Variants in ZNF277 observed in about 807,000 individuals in gnomAD.
ZNF277 encodes the protein zinc finger protein 277, also known as nuclear receptor-interacting factor 4.
A neutral mutation model predicts 60.7 loss-of-function variants in ZNF277; 55 were observed. That is an observed-to-expected ratio of 0.91 (90% CI 0.73 to 1.13). The LOEUF (loss-of-function observed/expected upper bound fraction) is 1.13. Among genes scored for constraint, ZNF277 ranks in the 50% most tolerant of loss-of-function variants. ZNF277 has a pLI of 0.00. For missense variants in ZNF277, 510 were observed against 523.0 expected, an observed-to-expected ratio of 0.98 and a Z score of 0.24; for synonymous variants, 178 against 179.3, an observed-to-expected ratio of 0.99 and a Z score of 0.06.
At chr7:112,332,594 C>G (rs973255501) in intron 7 of ZNF277, among the ~76,000 whole-genome samples, 7 of 152,180 alleles carry the variant, frequency 4.6e-5, no homozygotes. Flanking sequence ...GTAAAGCTGA[C>G]TTTAATCAGC....
intron 1 of ZNF277, among the ~76,000 whole-genome samples, chr7:112,213,866 A>G (rs1278167459): frequency 1.3e-5 from 2 of 152,196 alleles, no homozygotes; most frequent in African/African-American, 4.8e-5. Context: ...AAACCTCTGA[A>G]CTTCAGTTTC....
chr7:112,245,703 G>A (rs1436884964), intron 1 of ZNF277, among the ~76,000 whole-genome samples: 8 of 152,022 alleles, frequency 5.3e-5, no homozygotes, highest in African/African-American at 1.2e-4. Flanking sequence ...TTTACATGGT[G>A]TTCTCCTTTA....
Position 112,342,891 on chromosome 7 carries a change from G to A in ZNF277, c.*162G>A. 6.1e-6 allele frequency: 3 copies of A among 492,546 alleles called. No homozygotes were observed. The highest frequency in any genetic ancestry group is 9.8e-6 in the Non-Finnish European group (3 of 305,576). The allele number at this position is 492,546 out of a possible 1,614,324, so 30.5% of individuals were successfully genotyped here. A position where few individuals can be genotyped will look rare whatever the true frequency, so the allele number is the denominator to read the frequency against. On this transcript the variant is annotated 3_prime_UTR_variant, in exon 12 of 12. Coordinates refer to ENST00000361822, the MANE Select transcript of ZNF277 (RefSeq NM_021994.3). ...ATGAATGTTCTTTTCAAAAAATAAA[G>A]TAGAAAAATGCACTTACTAAGAACA...
At chr7:112,265,915 T>C (rs548105362) in intron 1 of ZNF277, among the ~76,000 whole-genome samples, 3 of 152,232 alleles carry the variant, frequency 2.0e-5, no homozygotes, top group African/African-American at 7.2e-5. Context: ...CTTTACATTT[T>C]GAATGAGAGG....
chr7:112,210,476 T>TG (rs1389284854), intron 1 of ZNF277, among the ~76,000 whole-genome samples: 21 of 149,594 alleles, frequency 1.4e-4, no homozygotes, highest in South Asian at 8.4e-4. Flanking sequence ...TTTTTTTTTT[T>TG]TGTTTTTTTT....
At chr7:112,310,478 AGT>A (rs1554493410) in intron 4 of ZNF277, among the ~76,000 whole-genome samples, 4 of 125,588 alleles carry the variant, frequency 3.2e-5, no homozygotes, top group Middle Eastern at 3.8e-3. Flanking sequence ...AGAGAGAGAG[AGT>A]GTGTGTGTGT....
chr7:112,217,476 C>T (rs750267168), intron 1 of ZNF277, among the ~76,000 whole-genome samples: 20 of 152,218 alleles, frequency 1.3e-4, no homozygotes, highest in Non-Finnish European at 2.4e-4. Flanking sequence ...CAGACTGAAA[C>T]TGCCTTTGCA....
chr7:112,314,722 C>T (rs891913093), intron 4 of ZNF277, among the ~76,000 whole-genome samples: 1 of 151,994 alleles, frequency 6.6e-6, no homozygotes, highest in Admixed American at 6.6e-5. Flanking sequence ...CTTGAGCCCA[C>T]GAAGTCGAGG....
At chr7:112,329,591 T>A (rs1793177120) in intron 6 of ZNF277, among the ~76,000 whole-genome samples, 1 of 152,244 alleles carries the variant, frequency 6.6e-6, no homozygotes, top group South Asian at 2.1e-4. Context: ...TTATCTTCAG[T>A]TTAGAAATCA....
intron 4 of ZNF277, 75 bp from the exon 5 acceptor site, chr7:112,318,107 C>A (rs898782909): frequency 2.4e-6 from 3 of 1,231,732 alleles, no homozygotes; most frequent in Non-Finnish European, 3.6e-6. Flanking sequence ...CAGTTTCCTC[C>A]CATCCAGACT....
chr7:112,285,565 G>A (rs1792046465), intron 1 of ZNF277, among the ~76,000 whole-genome samples: 1 of 151,414 alleles, frequency 6.6e-6, no homozygotes, highest in Non-Finnish European at 1.5e-5. Context: ...CTCCCGAGTA[G>A]TTGGGATGAC....
At position 112,318,357 on chromosome 7, in the gene ZNF277, A is replaced by G; in HGVS notation, c.557+84A>G. ...TCCCTAACTGTTGGTTATATAAATT[A>G]AGTTCTATGTGTTGGCTCAGGACCC... On this transcript the variant is annotated intron_variant, in intron 5 of 11. Coordinates refer to ENST00000361822, the MANE Select transcript of ZNF277 (RefSeq NM_021994.3). The G allele has an allele frequency of 1.1e-5, 14 of 1,254,654 alleles. No individual in the cohort carries two copies. The South Asian group carries it at 1.8e-4, about 16-fold the overall frequency. The allele number at this position is 1,254,654 out of a possible 1,614,324, so 77.7% of individuals were successfully genotyped here.
intron 1 of ZNF277, among the ~76,000 whole-genome samples, chr7:112,278,419 C>T (rs1465768050): frequency 6.6e-6 from 1 of 152,280 alleles, no homozygotes; most frequent in South Asian, 2.1e-4. Flanking sequence ...TAATAGATAT[C>T]AGTGCATATG....
intron 2 of ZNF277, among the ~76,000 whole-genome samples, chr7:112,292,104 A>T (rs1173011757): frequency 1.3e-5 from 2 of 152,176 alleles, no homozygotes; most frequent in Non-Finnish European, 2.9e-5. Context: ...CCATGATTCT[A>T]AGTTAATTGA....
intron 1 of ZNF277, among the ~76,000 whole-genome samples, chr7:112,237,281 C>T (rs182232800): frequency 3.9e-5 from 6 of 151,998 alleles, no homozygotes; most frequent in Admixed American, 1.3e-4. Context: ...GAATAGATCA[C>T]AAATTAATAA....
intron 1 of ZNF277, among the ~76,000 whole-genome samples, chr7:112,264,124 T>C (rs1050479945): frequency 1.3e-5 from 2 of 152,150 alleles, no homozygotes; most frequent in Non-Finnish European, 2.9e-5. Context: ...AATGACCTTT[T>C]CTAAGCAAAA....
chr7:112,264,285 C>T (rs771237456), intron 1 of ZNF277, among the ~76,000 whole-genome samples: 1 of 152,128 alleles, frequency 6.6e-6, no homozygotes, highest in Admixed American at 6.6e-5. Flanking sequence ...AATGCTAATG[C>T]CCAAACTTTC....
At chr7:112,335,716 C>A (rs1373131821) in intron 7 of ZNF277, among the ~76,000 whole-genome samples, 1 of 151,944 alleles carries the variant, frequency 6.6e-6, no homozygotes, top group African/African-American at 2.4e-5. Flanking sequence ...AGTAATAGTA[C>A]CCACTGTATG....
rs998368615 is a variant in ZNF277, at chr7:112,296,055, T to C, written c.382+98T>C. ...ATTAGAATTACTTTTACTTTCATGA[T>C]AGATAAAATTAAATTGATGTGTTTA... On this transcript the variant is annotated intron_variant, in intron 3 of 11. Transcript: ENST00000361822. The C allele has an allele frequency of 7.4e-6, 8 of 1,088,312 alleles. No individual in the cohort carries two copies. In the African/African-American group the frequency reaches 1.1e-4, roughly 15 times the overall value. The allele number at this position is 1,088,312 out of a possible 1,614,324, so 67.4% of individuals were successfully genotyped here.
Sources: allele counts gnomAD v4.1 joint callset (sites outside exome capture counted in the v4.1 genomes callset), GRCh38; gene constraint gnomAD v4.1.1; transcripts MANE v1.5; gene names NCBI Gene and HGNC (gene_info 2026-07-23, HGNC 2026-07-21).